Variants in SMAD6 observed in about 807,000 individuals in gnomAD.
The protein encoded by SMAD6 is MAD homolog 6.
Under a neutral mutation model 39.4 loss-of-function variants are expected in SMAD6, and 103 were observed. That is an observed-to-expected ratio of 2.62 (90% confidence interval 2.23 to 3.08). The LOEUF is 3.08. SMAD6 is among the 30% of genes most tolerant of loss of function. The pLI, the probability that SMAD6 is intolerant of heterozygous loss-of-function variation, is 0.00. For synonymous variants in SMAD6, 445 were observed against 353.3 expected (o/e 1.26, Z -2.91); for missense variants, 1,104 against 742.9 (o/e 1.49, Z -5.65).
chr15:66,718,349 C>T (rs1290491584), intron 3 of SMAD6, among the ~76,000 whole-genome samples: 1 of 152,114 alleles, frequency 6.6e-6, no homozygotes, highest in Non-Finnish European at 1.5e-5. Context: ...TGCCTTTGGG[C>T]CTCACTGGGC....
Position 66,702,777 on chromosome 15 carries a change from C to G in SMAD6, c.-482C>G, listed in dbSNP as rs1028315142. 1.3e-5 allele frequency: 2 copies of G among 153,620 alleles called. No homozygotes were observed. Among genetic ancestry groups the G allele is most frequent in the Admixed American group, 1.3e-4 (2 of 15,334 alleles). 9.5% of individuals were successfully genotyped at this position (153,620 alleles called of 1,614,324 possible). ...TATCAACAAGCCTGCCTTTCGGATC[C>G]TGCGGGAAAAGCCCATGTAGTTAAG... On this transcript the variant is annotated 5_prime_UTR_variant, in exon 1 of 4. Transcript: ENST00000288840.
intron 3 of SMAD6, among the ~76,000 whole-genome samples, chr15:66,772,841 C>T (rs1197481376): frequency 6.6e-6 from 1 of 152,206 alleles, no homozygotes; most frequent in Non-Finnish European, 1.5e-5. Flanking sequence ...ACATCCTGGT[C>T]CCAGCTGTGT....
At chr15:66,710,307 C>G (rs1175977958) in intron 1 of SMAD6, among the ~76,000 whole-genome samples, 2 of 152,178 alleles carry the variant, frequency 1.3e-5, no homozygotes, top group African/African-American at 2.4e-5. Flanking sequence ...TGGAGTGAGA[C>G]ACAACGTAGA....
chr15:66,756,597 G>A lies in SMAD6; in HGVS notation c.953-24400G>A, dbSNP rs369381483. ...CCCTTGAAAATATTTGTTTTCCATC[G>A]TTCTGTCTGCCCTCCCCTCCATCCC... On this transcript the variant is annotated intron_variant, in intron 3 of 3. Coordinates refer to ENST00000288840, the MANE Select transcript of SMAD6 (RefSeq NM_005585.5). Among the ~76,000 whole-genome samples the A allele has an allele frequency of 8.5e-5, 13 of 152,272 alleles. No individual in the cohort carries two copies. In the East Asian group the frequency reaches 1.4e-3, roughly 16 times the overall value.
At chr15:66,774,764 T>C (rs1337593428) in intron 3 of SMAD6, among the ~76,000 whole-genome samples, 1 of 152,216 alleles carries the variant, frequency 6.6e-6, no homozygotes, top group Non-Finnish European at 1.5e-5. Flanking sequence ...GATATTTCCA[T>C]CATGCTGGAA....
intron 1 of SMAD6, chr15:66,704,344 A>T (rs1326633852): frequency 3.0e-6 from 1 of 331,580 alleles, no homozygotes; most frequent in Non-Finnish European, 5.4e-6. Flanking sequence ...CAGGGACATG[A>T]TGTAGGCTCC....
intron 3 of SMAD6, chr15:66,717,303 TCC>T (rs1453933628): frequency 2.1e-6 from 1 of 468,966 alleles, no homozygotes; most frequent in South Asian, 1.5e-5. Context: ...GCTGTGTGTC[TCC>T]ATCTGAGACA....
At chr15:66,733,179 A>G (rs188105903) in intron 3 of SMAD6, among the ~76,000 whole-genome samples, 1 of 152,276 alleles carries the variant, frequency 6.6e-6, no homozygotes, top group African/African-American at 2.4e-5. Context: ...CCTTTTACCA[A>G]TACTGCACTG....
At chr15:66,730,076 C>T (rs531308187) in intron 3 of SMAD6, among the ~76,000 whole-genome samples, 10 of 152,312 alleles carry the variant, frequency 6.6e-5, no homozygotes, top group East Asian at 5.8e-4. Context: ...TGCCCAGATG[C>T]GGGGACACAT....
intron 3 of SMAD6, among the ~76,000 whole-genome samples, chr15:66,721,951 A>G (rs1455837470): frequency 6.6e-6 from 1 of 152,188 alleles, no homozygotes; most frequent in Non-Finnish European, 1.5e-5. Flanking sequence ...TGGAAGTCAG[A>G]AAGACAGGAT....
At chr15:66,763,442 G>A (rs1034652472) in intron 3 of SMAD6, among the ~76,000 whole-genome samples, 6 of 152,180 alleles carry the variant, frequency 3.9e-5, no homozygotes, top group Non-Finnish European at 5.9e-5. Flanking sequence ...CGTCAGTGCC[G>A]CCTCCCCGAC....
intron 3 of SMAD6, among the ~76,000 whole-genome samples, chr15:66,731,167 G>A (rs1271177205): frequency 1.3e-5 from 2 of 151,864 alleles, no homozygotes; most frequent in Admixed American, 6.6e-5. Flanking sequence ...GGCCGGGCGC[G>A]GTGGCTCATG....
intron 3 of SMAD6, among the ~76,000 whole-genome samples, chr15:66,777,910 C>G (rs188988501): frequency 1.3e-5 from 2 of 152,238 alleles, no homozygotes; most frequent in African/African-American, 4.8e-5. Context: ...GAAGGCGGCT[C>G]TATGGGTTCA....
At chr15:66,757,181 C>T (rs547467290) in intron 3 of SMAD6, among the ~76,000 whole-genome samples, 7 of 152,250 alleles carry the variant, frequency 4.6e-5, no homozygotes, top group East Asian at 3.9e-4. Flanking sequence ...GTGTGAGACA[C>T]GCAAAACACA....
intron 3 of SMAD6, among the ~76,000 whole-genome samples, chr15:66,737,550 TG>T (rs1037769902): frequency 2.6e-5 from 4 of 152,138 alleles, no homozygotes; most frequent in Admixed American, 1.3e-4. Flanking sequence ...AGGGTTTTGT[TG>T]GGTGAGTGGG....
chr15:66,731,417 A>G (rs866927420), intron 3 of SMAD6, among the ~76,000 whole-genome samples: 65 of 146,172 alleles, frequency 4.4e-4, no homozygotes, highest in Middle Eastern at 3.4e-3. Flanking sequence ...CAGCCTGGGC[A>G]ACAGAGCGAG....
At chr15:66,758,624 A>C (rs1407288386) in intron 3 of SMAD6, among the ~76,000 whole-genome samples, 1 of 152,096 alleles carries the variant, frequency 6.6e-6, no homozygotes, top group Non-Finnish European at 1.5e-5. Flanking sequence ...GGTACTCGGG[A>C]GGCTGAGGCA....
chr15:66,719,491 TCCCGAGAGCCTTGTTA>T (rs958246909), intron 3 of SMAD6, among the ~76,000 whole-genome samples: 31 of 152,148 alleles, frequency 2.0e-4, no homozygotes, highest in Admixed American at 4.6e-4. Context: ...GGTCTGCCGA[TCCCGAGAGCCTTGTTA>T]CCCTCAGTGT....
At chr15:66,776,662 G>C (rs1894472943) in intron 3 of SMAD6, among the ~76,000 whole-genome samples, 1 of 152,204 alleles carries the variant, frequency 6.6e-6, no homozygotes, top group African/African-American at 2.4e-5. Flanking sequence ...TGGGGCACCA[G>C]ATTATTAGAC....
Sources: gnomAD v4.1 joint callset for allele counts (sites outside exome capture counted in the v4.1 genomes callset) on GRCh38, gnomAD v4.1.1 for gene constraint, MANE v1.5 for transcripts, NCBI Gene and HGNC (gene_info 2026-07-23, HGNC 2026-07-21) for gene names.